The following GNE variants were observed in gnomAD, a reference collection of about 807,000 sequenced individuals.
GNE encodes the protein bifunctional UDP-N-acetylglucosamine 2-epimerase/N-acetylmannosamine kinase.
A neutral mutation model predicts 61.8 loss-of-function variants in GNE; 41 were observed. The observed-to-expected ratio is 0.66, with a 90% confidence interval of 0.52 to 0.86. The LOEUF is 0.86. Among genes scored for constraint, GNE ranks in the 40% least tolerant of loss-of-function variants. GNE has a pLI of 0.00. For missense variants in GNE, 608 were observed against 909.1 expected, an observed-to-expected ratio of 0.67 and a Z score of 4.26; for synonymous variants, 264 against 326.4, an observed-to-expected ratio of 0.81 and a Z score of 2.06.
intron 5 of GNE, among the ~76,000 whole-genome samples, chr9:36,232,646 T>G (rs1353511425): frequency 6.6e-6 from 1 of 152,232 alleles, no homozygotes; most frequent in Non-Finnish European, 1.5e-5. Flanking sequence ...AGATTTCAGC[T>G]TAGGTGTCAT....
upstream of GNE, among the ~76,000 whole-genome samples, chr9:36,258,756 T>C (rs993891283): frequency 6.6e-6 from 1 of 152,140 alleles, no homozygotes; most frequent in South Asian, 2.1e-4. Flanking sequence ...CGCTGGGTAG[T>C]TGTTTTGGTC....
chr9:36,224,568 A>G (rs1828767848), intron 7 of GNE, among the ~76,000 whole-genome samples: 1 of 150,544 alleles, frequency 6.6e-6, no homozygotes, highest in Admixed American at 6.6e-5. Context: ...GAAATACCAC[A>G]TTGTTTAAAT....
At chr9:36,231,066 TAAAA>T (rs529903965) in intron 5 of GNE, among the ~76,000 whole-genome samples, 1 of 68,378 alleles carries the variant, frequency 1.5e-5, no homozygotes, top group Non-Finnish European at 3.4e-5. Flanking sequence ...ACTGCTTCAC[TAAAA>T]AAAAAAAAAA....
Position 36,234,001 on chromosome 9 carries a change from T to C in GNE, c.901A>G (p.Ser301Gly), listed in dbSNP as rs748906478. ...VAHAGCMIGN[S>G]SCGVREVGAF... is the part of the protein sequence containing the mutation. ...CCAACTTCTCGAACCCCACAGCTGC[T>C]GTTCCCAATCATACAGCCAGCATGG... Residue 301 changes from serine (S) to glycine (G), a missense_variant, in exon 5 of 12, where the codon AGC becomes GGC. By Grantham distance (56) the Ser-to-Gly change is moderately conservative. Coordinates refer to ENST00000642385, the MANE Select transcript of GNE (RefSeq NM_005476.7). 7 of 1,614,228 alleles carry C rather than the reference T, an allele frequency of 4.3e-6. No individual in the cohort carries two copies. Among genetic ancestry groups the C allele is most frequent in the Non-Finnish European group, 1.7e-6 (2 of 1,180,016 alleles).
At chr9:36,219,426 T>A (rs1828483429) in intron 10 of GNE, among the ~76,000 whole-genome samples, 2 of 150,164 alleles carry the variant, frequency 1.3e-5, no homozygotes, top group Admixed American at 6.6e-5. Context: ...ACAAATTGGT[T>A]TTGGGGGCCA....
chr9:36,262,867 T>C (rs1830654112), upstream of GNE, among the ~76,000 whole-genome samples: 1 of 152,228 alleles, frequency 6.6e-6, no homozygotes, highest in South Asian at 2.1e-4. Context: ...CTGTAAATTC[T>C]ACCCGTGTAT....
chr9:36,262,898 A>G (rs182614022), upstream of GNE, among the ~76,000 whole-genome samples: 1 of 152,198 alleles, frequency 6.6e-6, no homozygotes, highest in Admixed American at 6.6e-5. Flanking sequence ...AAACATTTCT[A>G]AACTAAAATA....
chr9:36,249,277 G>C lies in GNE; in HGVS notation c.79C>G (p.Pro27Ala). ...TCGGTTTTAATGCCAAACATGATCG[G>C]GGCAAGTTTAGAATAATCTGCACGG... ...CNRADYSKLAPIMFGIKTEPE... is the reference protein window; with the variant it reads ...CNRADYSKLAAIMFGIKTEPE... The change falls in exon 2 of 12, where the codon CCG becomes GCG. Residue 27 changes from proline to alanine, a missense_variant. Coordinates refer to ENST00000642385, the MANE Select transcript of GNE (RefSeq NM_005476.7). 1 of 1,614,102 alleles carries C rather than the reference G, an allele frequency of 6.2e-7. No homozygotes were observed. The highest frequency in any genetic ancestry group is 1.6e-4 in the Middle Eastern group (1 of 6,062).
At chr9:36,244,098 G>A (rs932448419) in intron 3 of GNE, among the ~76,000 whole-genome samples, 11 of 151,848 alleles carry the variant, frequency 7.2e-5, no homozygotes, top group African/African-American at 2.4e-4. Flanking sequence ...CAGGTAACTA[G>A]GACTACATGC....
chr9:36,232,853 G>GTACA (rs2133064219), intron 5 of GNE, among the ~76,000 whole-genome samples: 1 of 152,310 alleles, frequency 6.6e-6, no homozygotes, highest in African/African-American at 2.4e-5. Flanking sequence ...CCAAATCCCA[G>GTACA]TGCCTAGTAC....
intron 1 of GNE, chr9:36,265,108 G>A (rs989236049): frequency 1.4e-5 from 4 of 288,276 alleles, no homozygotes; most frequent in Admixed American, 8.3e-5. Flanking sequence ...CCAGCGAGGC[G>A]CCCACTGCTG....
chr9:36,219,114 C>G (rs1195402817), intron 10 of GNE, among the ~76,000 whole-genome samples: 3 of 152,162 alleles, frequency 2.0e-5, no homozygotes, highest in African/African-American at 7.2e-5. Flanking sequence ...CTCACCCATT[C>G]TCTCTGACTG....
intron 2 of GNE, 102 bp downstream of exon 2, chr9:36,249,090 G>A (rs1830013621): frequency 2.2e-6 from 2 of 889,532 alleles, no homozygotes; most frequent in Non-Finnish European, 3.8e-6. Context: ...TAAAAACTAA[G>A]CAGCAGAACA....
At chr9:36,243,247 G>A (rs552872366) in intron 3 of GNE, among the ~76,000 whole-genome samples, 15 of 152,092 alleles carry the variant, frequency 9.9e-5, no homozygotes, top group Admixed American at 4.6e-4. Context: ...GTTTCACCAC[G>A]TTGCCCAGGC....
At chr9:36,223,186 T>G (rs533700321) in intron 8 of GNE, among the ~76,000 whole-genome samples, 187 bp downstream of exon 8, 2 of 152,360 alleles carry the variant, frequency 1.3e-5, no homozygotes, top group African/African-American at 4.8e-5. Flanking sequence ...TTTCTAGAAC[T>G]GTCAGTGCTT....
At chr9:36,260,211 T>A (rs544429872), upstream of GNE, among the ~76,000 whole-genome samples, 12 of 147,968 alleles carry the variant, frequency 8.1e-5, no homozygotes, top group East Asian at 2.0e-4. Flanking sequence ...TGCTCAGGAG[T>A]TCCAGGCAAC....
At chr9:36,227,503 C>A in intron 6 of GNE, 45 bp from the exon 7 acceptor site, 1 of 1,177,608 alleles carries the variant, frequency 8.5e-7, no homozygotes, top group Non-Finnish European at 1.3e-6. Context: ...TTCTGCCATA[C>A]ATGTTAAGTG....
intron 1 of GNE, among the ~76,000 whole-genome samples, chr9:36,256,866 CA>C (rs1378915422): frequency 1.3e-5 from 2 of 152,188 alleles, no homozygotes; most frequent in Non-Finnish European, 1.5e-5. Flanking sequence ...GTTTTACAGA[CA>C]GGAAGCACAG....
intron 1 of GNE, chr9:36,268,051 A>T (rs1830873652): frequency 6.6e-6 from 1 of 151,954 alleles, no homozygotes; most frequent in Non-Finnish European, 1.5e-5. Flanking sequence ...AAGCGGGAGG[A>T]TCGCCTGAGC....
Sources: gnomAD v4.1 joint callset for allele counts (sites outside exome capture counted in the v4.1 genomes callset) on GRCh38, gnomAD v4.1.1 for gene constraint, MANE v1.5 for transcripts, NCBI Gene and HGNC (gene_info 2026-07-23, HGNC 2026-07-21) for gene names.